TBC1D5: variants seen among roughly 807,000 people sequenced by gnomAD.
The protein encoded by TBC1D5 is TBC1 domain family member 5.
Under a neutral mutation model 100.3 loss-of-function variants are expected in TBC1D5, and 75 were observed. The observed-to-expected ratio is 0.75, with a 90% CI of 0.62 to 0.91. The LOEUF is 0.91. Ranked by LOEUF, TBC1D5 falls within the 40% of genes least tolerant of loss-of-function variation. The probability of loss-of-function intolerance (pLI) is 0.00; values close to 1 mark genes in which losing one functional copy is unlikely to be tolerated. For missense variants in TBC1D5, 910 were observed against 942.4 expected (o/e 0.97, Z 0.45); for synonymous variants, 323 against 325.6 (o/e 0.99, Z 0.09).
At chr3:17,249,941 A>G (rs958454546) in intron 16 of TBC1D5, among the ~76,000 whole-genome samples, 6 of 152,248 alleles carry the variant, frequency 3.9e-5, no homozygotes, top group Admixed American at 1.3e-4. Flanking sequence ...CTTAACAGGT[A>G]TAATACTGAA....
intron 13 of TBC1D5, among the ~76,000 whole-genome samples, chr3:17,343,136 G>C (rs1018910417): frequency 2.0e-5 from 3 of 152,086 alleles, no homozygotes; most frequent in African/African-American, 7.2e-5. Context: ...TTGGAGATAC[G>C]TCCCATCAAT....
intron 2 of TBC1D5, among the ~76,000 whole-genome samples, chr3:17,607,547 GA>G (rs572833260): frequency 0.032 from 4,088 of 127,570 alleles, 89 homozygotes; most frequent in Non-Finnish European, 0.034. Flanking sequence ...TGAGCTTAAA[GA>G]AAAAAAAAAA....
At chr3:17,711,611 A>G (rs969472547) in intron 1 of TBC1D5, among the ~76,000 whole-genome samples, 1 of 152,220 alleles carries the variant, frequency 6.6e-6, no homozygotes, top group African/African-American at 2.4e-5. Context: ...AAATAGTATC[A>G]TACGTATTTT....
chr3:17,320,831 G>C (rs1332947542), intron 13 of TBC1D5, among the ~76,000 whole-genome samples: 1 of 152,044 alleles, frequency 6.6e-6, no homozygotes, highest in African/African-American at 2.4e-5. Context: ...TATATGTATT[G>C]AGGGTCTGTT....
exon 22 of TBC1D5, chr3:17,160,759 T>C (rs1466749840): frequency 1.6e-6 from 1 of 640,202 alleles, no homozygotes; most frequent in East Asian, 2.8e-5. Context: ...GAAAGCCCTG[T>C]CTGCATGTGG....
intron 13 of TBC1D5, among the ~76,000 whole-genome samples, chr3:17,368,083 A>C (rs1158479744): frequency 6.6e-6 from 1 of 151,926 alleles, no homozygotes; most frequent in East Asian, 1.9e-4. Context: ...ACTTGCTAAC[A>C]AAAAATTTTT....
In TBC1D5 at chr3:17,384,905, A is replaced by G. The variant is rs565400212; in HGVS notation, c.510-890T>C. ...TATGGAAACACAGCATAGTAAATGT[A>G]TATTTTTGAATAAGGAAGTGATAAA... is the stretch of plus-strand genomic sequence containing the variant. On this transcript the variant is annotated intron_variant, in intron 8 of 21. Transcript: ENST00000253692. Among the ~76,000 whole-genome samples the G allele has an allele frequency of 4.6e-5, 7 of 152,240 alleles. No individual in the cohort carries two copies. In the East Asian group the frequency reaches 7.7e-4, roughly 17 times the overall value.
chr3:17,584,285 T>C (rs773003268), intron 2 of TBC1D5, among the ~76,000 whole-genome samples: 13 of 152,244 alleles, frequency 8.5e-5, no homozygotes, highest in East Asian at 1.9e-4. Flanking sequence ...TGCATAACAC[T>C]GTCAGTGTAC....
rs2069136 is a variant in TBC1D5 at position 17,282,854 on chromosome 3, T to C, written c.1245+9041A>G. On this transcript the variant is annotated intron_variant, in intron 15 of 21. Coordinates refer to ENST00000253692, the Ensembl canonical transcript of TBC1D5. ...TAACATGAAACATTATATAAATTAA[T>C]GCCAAATAAAAATTTATTAGAGACT... Among the ~76,000 whole-genome samples, 1,414 of 152,352 alleles carry C rather than the reference T, an allele frequency of 9.3e-3. 53 individuals carry two copies. Among genetic ancestry groups the C allele is most frequent in the Admixed American group, 0.072 (1,098 of 15,304 alleles).
intron 14 of TBC1D5, 79 bp from the exon 15 acceptor site, chr3:17,292,080 C>T (rs2081818463): frequency 8.0e-7 from 1 of 1,250,610 alleles, no homozygotes; most frequent in Non-Finnish European, 1.1e-6. Flanking sequence ...AATCTAACAA[C>T]TTAAGAGTCA....
chr3:17,262,978 G>T (rs2078467690), intron 15 of TBC1D5, among the ~76,000 whole-genome samples: 1 of 151,938 alleles, frequency 6.6e-6, no homozygotes, highest in African/African-American at 2.4e-5. Context: ...TGTAATCCCA[G>T]AACTTTGGGA....
intron 9 of TBC1D5, among the ~76,000 whole-genome samples, chr3:17,378,208 G>A (rs1015451689): frequency 1.2e-4 from 18 of 151,836 alleles, no homozygotes; most frequent in African/African-American, 3.9e-4. Flanking sequence ...ATATCCTTGT[G>A]ATCTTTTTTT....
At chr3:17,742,255 G>A (rs1005953955), upstream of TBC1D5, among the ~76,000 whole-genome samples, 5 of 152,146 alleles carry the variant, frequency 3.3e-5, no homozygotes, top group African/African-American at 7.2e-5. Context: ...CAAACGGGGG[G>A]CGGTGCGGCA....
At chr3:17,522,807 C>T (rs1318121739) in intron 2 of TBC1D5, among the ~76,000 whole-genome samples, 1 of 152,102 alleles carries the variant, frequency 6.6e-6, no homozygotes, top group Admixed American at 6.6e-5. Context: ...AATCTAAGTA[C>T]ATTAGAGTTC....
chr3:17,518,016 A>C lies in TBC1D5; in HGVS notation c.-35-9411T>G, dbSNP rs1444198283. Among the ~76,000 whole-genome samples, 10 of 152,292 alleles carry C rather than the reference A, an allele frequency of 6.6e-5. No homozygotes were observed. In the South Asian group the frequency reaches 1.9e-3, roughly 28 times the overall value. ...GTTGTCACTCCTGGCAATAATAATA[A>C]ACATTAAAAATTCTTCATAAGACAG... On this transcript the variant is annotated intron_variant, in intron 2 of 21. Coordinates refer to ENST00000253692, the Ensembl canonical transcript of TBC1D5.
chr3:17,166,825 C>T (rs564777434), exon 21 of TBC1D5: 2 of 1,614,184 alleles, frequency 1.2e-6, no homozygotes, highest in South Asian at 2.2e-5. Context: ...CTGGCCCTGG[C>T]CGCTGGAGCA....
chr3:17,689,831 G>A (rs926164516), intron 1 of TBC1D5, among the ~76,000 whole-genome samples: 7 of 152,098 alleles, frequency 4.6e-5, no homozygotes, highest in Non-Finnish European at 1.0e-4. Flanking sequence ...GGCCAGGGAT[G>A]CAGCTGAACA....
At chr3:17,607,776 T>G (rs1380433944) in intron 2 of TBC1D5, among the ~76,000 whole-genome samples, 1 of 152,174 alleles carries the variant, frequency 6.6e-6, no homozygotes, top group Non-Finnish European at 1.5e-5. Context: ...ACAGTCCTCC[T>G]TGTTTCTGAA....
intron 3 of TBC1D5, among the ~76,000 whole-genome samples, chr3:17,507,733 C>T (rs2095858653): frequency 6.6e-6 from 1 of 152,076 alleles, no homozygotes; most frequent in African/African-American, 2.4e-5. Flanking sequence ...TGAAAAATTA[C>T]AAGCAGCCAC....
Sources: allele counts gnomAD v4.1 joint callset (sites outside exome capture counted in the v4.1 genomes callset), GRCh38; gene constraint gnomAD v4.1.1; transcripts MANE v1.5; gene names NCBI Gene and HGNC (gene_info 2026-07-23, HGNC 2026-07-21).